Variants in RAD51 observed in about 807,000 individuals in gnomAD.
RAD51 encodes RAD51 recombinase.
Under a neutral mutation model 41.5 loss-of-function variants are expected in RAD51, and 14 were observed. That is an observed-to-expected ratio of 0.34 (90% CI 0.22 to 0.53). RAD51 has a LOEUF of 0.53. Among genes scored for constraint, RAD51 ranks in the 20% least tolerant of loss-of-function variants. The pLI, the probability that RAD51 is intolerant of heterozygous loss-of-function variation, is 0.95. For missense variants in RAD51, 234 were observed against 422.0 expected (o/e 0.55, Z 3.90); for synonymous variants, 136 against 148.6 (o/e 0.92, Z 0.62).
Position 40,706,249 on chromosome 15 carries a change from A to G in RAD51, c.298A>G (p.Ile100Val). ...ATTCCACCAAAGGCGGTCAGAGATC[A>G]TACAGATTACTACTGGCTCCAAAGA... is the stretch of plus-strand genomic sequence containing the variant. ...TEFHQRRSEI[I>V]QITTGSKELD... Residue 100 changes from isoleucine (I) to valine (V), a missense_variant, in exon 4 of 10, where the codon ATA becomes GTA. Coordinates refer to ENST00000267868, the MANE Select transcript of RAD51 (RefSeq NM_002875.5). 1 of 1,614,164 alleles carries G rather than the reference A, an allele frequency of 6.2e-7. No individual in the cohort carries two copies. The highest frequency in any genetic ancestry group is 1.1e-5 in the South Asian group (1 of 91,082).
At chr15:40,699,056 C>T (rs1159876694) in intron 2 of RAD51, among the ~76,000 whole-genome samples, 3 of 152,218 alleles carry the variant, frequency 2.0e-5, no homozygotes, top group African/African-American at 7.2e-5. Flanking sequence ...CAATTCTCTT[C>T]CTACTTTATC....
chr15:40,729,909 G>A lies in RAD51; in HGVS notation c.831G>A (p.Ala277=), dbSNP rs752022051. 49 of 1,613,790 alleles carry A rather than the reference G, an allele frequency of 3.0e-5. No individual in the cohort carries two copies. Among genetic ancestry groups the A allele is most frequent in the South Asian group, 7.7e-5 (7 of 91,072 alleles). ...NQVVAQVDGA[A]MFAADPKKPI... ...TGGTAGCTCAAGTGGATGGAGCAGC[G>A]ATGTTTGCTGCTGATCCCAAAAAAC... Residue 277 remains alanine (A), a synonymous_variant, in exon 9 of 10, where the codon GCG becomes GCA. Coordinates refer to ENST00000267868, the MANE Select transcript of RAD51 (RefSeq NM_002875.5).
chr15:40,703,885 T>C (rs891930744), intron 3 of RAD51, among the ~76,000 whole-genome samples: 7 of 152,000 alleles, frequency 4.6e-5, no homozygotes, highest in Admixed American at 3.3e-4. Flanking sequence ...TGCTTTTCTT[T>C]GGAAGGTTAG....
intron 9 of RAD51, 115 bp downstream of exon 9, chr15:40,730,089 A>AG: frequency 7.1e-7 from 1 of 1,402,456 alleles, no homozygotes; most frequent in Non-Finnish European, 9.9e-7. Context: ...ATAGACACTT[A>AG]GGAACTCTTG....
chr15:40,706,496 A>C (rs990107030), intron 4 of RAD51, among the ~76,000 whole-genome samples: 22 of 152,222 alleles, frequency 1.4e-4, no homozygotes, highest in Admixed American at 6.5e-4. Context: ...TGGGAGTTCG[A>C]GACCAGCCCA....
At chr15:40,701,022 G>C (rs1894953595) in intron 2 of RAD51, 42 bp from the exon 3 acceptor site, 1 of 1,610,898 alleles carries the variant, frequency 6.2e-7, no homozygotes, top group Non-Finnish European at 8.5e-7. Context: ...TTAGATTAGA[G>C]AACTAAAGCT....
intron 4 of RAD51, among the ~76,000 whole-genome samples, chr15:40,708,176 C>T (rs183039073): frequency 1.3e-3 from 193 of 151,298 alleles, no homozygotes; most frequent in African/African-American, 4.6e-3. Context: ...CACCACCATG[C>T]CCAGCTAATT....
At chr15:40,717,855 T>C (rs1346982520) in intron 5 of RAD51, among the ~76,000 whole-genome samples, 1 of 152,222 alleles carries the variant, frequency 6.6e-6, no homozygotes, top group Non-Finnish European at 1.5e-5. Flanking sequence ...TCATGGCCCA[T>C]TATTGATTAA....
intron 5 of RAD51, among the ~76,000 whole-genome samples, chr15:40,712,877 C>CTTTTCTT (rs768482559): frequency 8.7e-5 from 9 of 103,910 alleles, no homozygotes; most frequent in African/African-American, 3.1e-4. Context: ...CTTTTCTTTT[C>CTTTTCTT]TTTTTTTTTT....
At chr15:40,727,379 G>A (rs1896641548) in intron 6 of RAD51, among the ~76,000 whole-genome samples, 1 of 152,018 alleles carries the variant, frequency 6.6e-6, no homozygotes, top group Admixed American at 6.6e-5. Flanking sequence ...TGCGATCTCG[G>A]CTCACTGCAA....
chr15:40,697,982 G>T (rs907268508), intron 1 of RAD51, among the ~76,000 whole-genome samples: 1 of 152,092 alleles, frequency 6.6e-6, no homozygotes, highest in African/African-American at 2.4e-5. Context: ...ACTCGCTTCT[G>T]GCTATTTTGA....
In RAD51 at chr15:40,718,859, G is replaced by A. The variant is rs1896119687; in HGVS notation, c.490G>A (p.Gly164Ser). The part of the protein sequence containing the change: ...EGKAMYIDTE[G>S]TFRPERLLAV... ...AAAGGCCATGTACATTGACACTGAGGGTACCTTTAGGCCAGAACGGCTGCT... is the reference window on the plus strand; with the variant it reads ...AAAGGCCATGTACATTGACACTGAGAGTACCTTTAGGCCAGAACGGCTGCT... Residue 164 changes from glycine (G) to serine (S), a missense_variant, in exon 6 of 10, where the codon GGT becomes AGT. By Grantham distance (56) the Gly-to-Ser change is moderately conservative. Around this residue, in one of 2 missense-constraint regions of RAD51, gnomAD observed 134 missense variants for 286.5 expected, o/e 0.47. Coordinates refer to ENST00000267868, the MANE Select transcript of RAD51 (RefSeq NM_002875.5). 4 of 1,613,598 alleles carry A rather than the reference G, an allele frequency of 2.5e-6. No homozygotes were observed. Among genetic ancestry groups the A allele is most frequent in the Non-Finnish European group, 3.4e-6 (4 of 1,179,648 alleles).
intron 1 of RAD51, among the ~76,000 whole-genome samples, chr15:40,696,489 A>G (rs1295768360): frequency 6.6e-6 from 1 of 152,140 alleles, no homozygotes; most frequent in East Asian, 1.9e-4. Context: ...GGGAGGATCT[A>G]GCCTGGGAGG....
Position 40,719,982 on chromosome 15 carries a change from A to G in RAD51, c.530+1083A>G, listed in dbSNP as rs73396564. ...TGAAACAAAAACTGAATTAAAGGGG[A>G]AAATAGACAACTCATCAATAATAGT... On this transcript the variant is annotated intron_variant, in intron 6 of 9. Coordinates refer to ENST00000267868, the MANE Select transcript of RAD51 (RefSeq NM_002875.5). Among the ~76,000 whole-genome samples, 267 of 152,312 alleles carry G rather than the reference A, an allele frequency of 1.8e-3. 1 individual carries two copies. The highest frequency in any genetic ancestry group is 6.2e-3 in the African/African-American group (256 of 41,572).
chr15:40,716,767 T>C (rs1896013209), intron 5 of RAD51, among the ~76,000 whole-genome samples: 1 of 150,058 alleles, frequency 6.7e-6, no homozygotes, highest in African/African-American at 2.5e-5. Context: ...TTCACGCCAT[T>C]CTCCTGCCTC....
chr15:40,699,758 A>C (rs756498170), intron 2 of RAD51, among the ~76,000 whole-genome samples: 1 of 152,198 alleles, frequency 6.6e-6, no homozygotes, highest in Non-Finnish European at 1.5e-5. Context: ...GGTATAAGAG[A>C]CAAGCTCCAA....
intron 4 of RAD51, among the ~76,000 whole-genome samples, chr15:40,708,619 T>C (rs1002271802): frequency 6.6e-6 from 1 of 152,190 alleles, no homozygotes; most frequent in Non-Finnish European, 1.5e-5. Context: ...GGTCTCACTG[T>C]GTCACCCAGG....
chr15:40,698,622 A>G, intron 1 of RAD51, 135 bp from the exon 2 acceptor site: 1 of 784,594 alleles, frequency 1.3e-6, no homozygotes, highest in South Asian at 1.5e-5. Flanking sequence ...AAGCAGGAGA[A>G]CAGAGAGGCA....
intron 1 of RAD51, among the ~76,000 whole-genome samples, chr15:40,698,119 C>G (rs1350746347): frequency 6.6e-6 from 1 of 152,020 alleles, no homozygotes; most frequent in Non-Finnish European, 1.5e-5. Context: ...CCGCCCCCTG[C>G]AACAGCTGCA....
Sources: gnomAD v4.1 joint callset for allele counts (sites outside exome capture counted in the v4.1 genomes callset) on GRCh38, gnomAD v4.1.1 for gene constraint, gnomAD v4.1.1 regional missense constraint, MANE v1.5 for transcripts, NCBI Gene and HGNC (gene_info 2026-07-23, HGNC 2026-07-21) for gene names.